The following QKI variants were observed in gnomAD, a reference collection of about 807,000 sequenced individuals.
QKI encodes KH domain-containing RNA-binding protein QKI.
QKI carries 10 observed loss-of-function variants against 39.0 expected under a neutral mutation model. The ratio of observed to expected loss-of-function variants is 0.26; its 90% CI spans 0.16 to 0.43. The LOEUF (loss-of-function observed/expected upper bound fraction) is 0.43, where lower values mean the gene tolerates loss of function less well. QKI is among the 20% of genes least tolerant of loss of function. The pLI, the probability that QKI is intolerant of heterozygous loss-of-function variation, is 1.00. For missense variants in QKI, 218 were observed against 428.0 expected, an observed-to-expected ratio of 0.51 and a Z score of 4.33; for synonymous variants, 204 against 155.4, an observed-to-expected ratio of 1.31 and a Z score of -2.33.
intron 3 of QKI, among the ~76,000 whole-genome samples, chr6:163,526,060 G>A (rs1780495778): frequency 6.6e-6 from 1 of 152,158 alleles, no homozygotes; most frequent in South Asian, 2.1e-4. Flanking sequence ...TGAAAGATAT[G>A]GAGATGAGTC....
intron 3 of QKI, among the ~76,000 whole-genome samples, chr6:163,523,863 T>C (rs1562511441): frequency 2.6e-5 from 4 of 152,208 alleles, no homozygotes; most frequent in Admixed American, 1.3e-4. Flanking sequence ...TTTCTAGAGC[T>C]TACCATTATG....
chr6:163,538,943 AAGTTGAT>A (rs1781357472), intron 4 of QKI, among the ~76,000 whole-genome samples: 1 of 152,250 alleles, frequency 6.6e-6, no homozygotes, highest in Non-Finnish European at 1.5e-5. Context: ...GAAAGTATAA[AAGTTGAT>A]AGCAAATGTT....
chr6:163,467,228 C>G (rs976757467), intron 2 of QKI, among the ~76,000 whole-genome samples: 11 of 152,116 alleles, frequency 7.2e-5, no homozygotes, highest in African/African-American at 2.7e-4. Context: ...TGTTAATTAG[C>G]TTGATTGTGG....
chr6:163,525,437 C>A (rs774756807), intron 3 of QKI, among the ~76,000 whole-genome samples: 8 of 151,990 alleles, frequency 5.3e-5, no homozygotes, highest in Admixed American at 2.6e-4. Flanking sequence ...TGCCTCACTG[C>A]AGCCTCTGCC....
intron 3 of QKI, among the ~76,000 whole-genome samples, chr6:163,532,012 G>A (rs1562518908): frequency 6.6e-6 from 1 of 152,274 alleles, no homozygotes; most frequent in East Asian, 1.9e-4. Flanking sequence ...TTAAGTTGTT[G>A]AATTAGTAAG....
rs1040980325 is a variant in QKI, at chr6:163,570,869, A to G, written c.*159A>G. ...TTACCATCTAACCAAACAAAAGACAAAGAAATTGTTGTCCTCCAACTCAGC... is the reference window on the plus strand; with the variant it reads ...TTACCATCTAACCAAACAAAAGACAGAGAAATTGTTGTCCTCCAACTCAGC... On this transcript the variant is annotated 3_prime_UTR_variant, in exon 8 of 8. Transcript: ENST00000361752. 1 of 1,046,622 alleles carries G rather than the reference A, an allele frequency of 9.6e-7. No individual in the cohort carries two copies. The highest frequency in any genetic ancestry group is 1.3e-6 in the Non-Finnish European group (1 of 742,742). The allele number at this position is 1,046,622 out of a possible 1,614,324, so 64.8% of individuals were successfully genotyped here.
At chr6:163,470,642 C>G (rs1336804582) in intron 2 of QKI, among the ~76,000 whole-genome samples, 1 of 152,024 alleles carries the variant, frequency 6.6e-6, no homozygotes, top group African/African-American at 2.4e-5. Flanking sequence ...CAGACCCAGA[C>G]TTTATAAGAT....
chr6:163,465,405 G>A (rs111605593), intron 2 of QKI, among the ~76,000 whole-genome samples: 2,999 of 152,074 alleles, frequency 0.02, 96 homozygotes, highest in African/African-American at 0.068. Context: ...TGAGGTGGGC[G>A]GATCACTTGA....
At chr6:163,455,662 A>G (rs759025394) in intron 2 of QKI, among the ~76,000 whole-genome samples, 10 of 152,156 alleles carry the variant, frequency 6.6e-5, no homozygotes, top group African/African-American at 1.4e-4. Flanking sequence ...TCAAAACTGG[A>G]TGAGGAATTG....
chr6:163,448,454 G>A (rs188600615), intron 1 of QKI, among the ~76,000 whole-genome samples: 3 of 152,000 alleles, frequency 2.0e-5, no homozygotes, highest in South Asian at 4.2e-4. Flanking sequence ...TAGGCTAGGC[G>A]CAGTGGCTCA....
At chr6:163,551,856 G>A (rs1384342097) in intron 4 of QKI, among the ~76,000 whole-genome samples, 1 of 152,150 alleles carries the variant, frequency 6.6e-6, no homozygotes. Context: ...ATATCTTCAT[G>A]GGTAAGTTTA....
chr6:163,414,958 C>T lies in QKI; in HGVS notation c.-236C>T, dbSNP rs932648058. On this transcript the variant is annotated 5_prime_UTR_variant, in exon 1 of 8. Coordinates refer to ENST00000361752, the MANE Select transcript of QKI (RefSeq NM_006775.3). ...GTGAGGGACGCGCCGAGCCGGGCGG[C>T]CGAGAGCGGCGGCGGCTGGGAGCGC... 1.9e-4 allele frequency: 35 copies of T among 185,576 alleles called. No homozygotes were observed. The highest frequency in any genetic ancestry group is 2.9e-4 in the Non-Finnish European group (30 of 102,074). 11.5% of individuals were successfully genotyped at this position (185,576 alleles called of 1,614,324 possible).
chr6:163,518,649 T>C (rs896904298), intron 3 of QKI, among the ~76,000 whole-genome samples: 1 of 152,172 alleles, frequency 6.6e-6, no homozygotes, highest in Non-Finnish European at 1.5e-5. Context: ...TTATATTTCA[T>C]TGATGAGCAA....
At chr6:163,503,342 C>T (rs1426995265) in intron 3 of QKI, among the ~76,000 whole-genome samples, 1 of 151,982 alleles carries the variant, frequency 6.6e-6, no homozygotes, top group African/African-American at 2.4e-5. Flanking sequence ...ATGTGGCTAG[C>T]CAGCTCTCCC....
intron 1 of QKI, among the ~76,000 whole-genome samples, chr6:163,433,915 A>G (rs1789039103): frequency 6.6e-6 from 1 of 152,188 alleles, no homozygotes; most frequent in African/African-American, 2.4e-5. Flanking sequence ...ATGAAATAAT[A>G]CTTGTCTGTA....
At chr6:163,524,054 C>G (rs905640975) in intron 3 of QKI, among the ~76,000 whole-genome samples, 2 of 152,170 alleles carry the variant, frequency 1.3e-5, no homozygotes, top group African/African-American at 4.8e-5. Context: ...ATTCCCTTTA[C>G]TATTCGTTGT....
chr6:163,467,777 A>G (rs937678992), intron 2 of QKI, among the ~76,000 whole-genome samples: 1 of 152,214 alleles, frequency 6.6e-6, no homozygotes, highest in Non-Finnish European at 1.5e-5. Context: ...ATTTTGGTAT[A>G]TAGTCTCCAA....
At chr6:163,434,290 A>G (rs1346419161) in intron 1 of QKI, among the ~76,000 whole-genome samples, 1 of 152,154 alleles carries the variant, frequency 6.6e-6, no homozygotes, top group African/African-American at 2.4e-5. Flanking sequence ...AGGTTCACAG[A>G]TTACTACTGC....
At chr6:163,433,877 A>G (rs1167317533) in intron 1 of QKI, among the ~76,000 whole-genome samples, 7 of 152,256 alleles carry the variant, frequency 4.6e-5, no homozygotes, top group Non-Finnish European at 1.5e-5. Context: ...ACACATTTAT[A>G]TAACTCAACA....
Sources: allele counts gnomAD v4.1 joint callset (sites outside exome capture counted in the v4.1 genomes callset), GRCh38; gene constraint gnomAD v4.1.1; transcripts MANE v1.5; gene names NCBI Gene and HGNC (gene_info 2026-07-23, HGNC 2026-07-21).